Variants in PCDHGA7 observed in about 807,000 individuals in gnomAD.
PCDHGA7 encodes protocadherin gamma-A7.
PCDHGA7 carries 44 observed loss-of-function variants against 58.3 expected under a neutral mutation model. That is an observed-to-expected ratio of 0.75 (90% CI 0.59 to 0.97). The LOEUF (loss-of-function observed/expected upper bound fraction) is 0.97, where lower values mean the gene tolerates loss of function less well. Ranked by LOEUF, PCDHGA7 falls within the 50% of genes least tolerant of loss-of-function variation. The probability of loss-of-function intolerance (pLI) is 0.00; values close to 1 mark genes in which losing one functional copy is unlikely to be tolerated. For missense variants in PCDHGA7, 1,266 were observed against 1,188.7 expected (o/e 1.06, Z -0.96); for synonymous variants, 516 against 504.2 (o/e 1.02, Z -0.31).
chr5:141,421,077 A>G (rs975269359), intron 1 of PCDHGA7: 1 of 619,100 alleles, frequency 1.6e-6, no homozygotes, highest in Non-Finnish European at 2.7e-6. Context: ...TGAGATGGAT[A>G]CTCACAGATC....
At chr5:141,393,197 T>C (rs1470064881) in intron 1 of PCDHGA7, 1 of 1,613,448 alleles carries the variant, frequency 6.2e-7, no homozygotes, top group South Asian at 1.1e-5. Context: ...ATATTAACGA[T>C]AATAACCCAA....
rs762662380 is a variant in PCDHGA7, at chr5:141,419,561, G to A, written c.2424+34238G>A. 9 of 1,611,728 alleles carry A rather than the reference G, an allele frequency of 5.6e-6. No individual in the cohort carries two copies. The Admixed American group carries it at 1.2e-4, about 21-fold the overall frequency. The stretch of plus-strand genomic sequence containing the variant: ...ACCGCGGGTGCTGTACCCTGCGCTG[G>A]GTCCCGACGGCTCCGCGCTCTTCGA... On this transcript the variant is annotated intron_variant, in intron 1 of 3. Coordinates refer to ENST00000518325, the MANE Select transcript of PCDHGA7 (RefSeq NM_018920.4).
intron 1 of PCDHGA7, among the ~76,000 whole-genome samples, chr5:141,456,918 G>A (rs535602842): frequency 6.6e-6 from 1 of 152,006 alleles, no homozygotes; most frequent in African/African-American, 2.4e-5. Context: ...AGCCGAGATC[G>A]CACCACTGCA....
chr5:141,420,980 C>T (rs1463868271), intron 1 of PCDHGA7: 1 of 484,260 alleles, frequency 2.1e-6, no homozygotes, highest in Non-Finnish European at 3.6e-6. Flanking sequence ...AGAATGGGCT[C>T]TAGGCGCCGC....
intron 1 of PCDHGA7, chr5:141,433,078 C>A (rs947684072): frequency 2.5e-5 from 40 of 1,614,144 alleles, no homozygotes; most frequent in Non-Finnish European, 3.3e-5. Context: ...TCCCCCAGCC[C>A]AACTATGCAG....
At position 141,491,023 on chromosome 5, in the gene PCDHGA7, G is replaced by A. The variant is rs773185039; in HGVS notation, c.2425-3784G>A. 17 of 1,613,990 alleles carry A rather than the reference G, an allele frequency of 1.1e-5. No individual in the cohort carries two copies. Among genetic ancestry groups the A allele is most frequent in the Admixed American group, 5.0e-5 (3 of 60,008 alleles). ...CTCCTTGGTCACCAAGGTGACAGCC[G>A]TGGATGCTGATGCAGGCCACAATGC... On this transcript the variant is annotated intron_variant, in intron 1 of 3. Coordinates refer to ENST00000518325, the MANE Select transcript of PCDHGA7 (RefSeq NM_018920.4). The surrounding 1 kb of genome is among the most constrained non-coding windows in gnomAD (Gnocchi z 6.9).
In PCDHGA7 at chr5:141,382,874, G is replaced by T. The variant is rs369372304; in HGVS notation, c.-26G>T. On this transcript the variant is annotated 5_prime_UTR_variant, in exon 1 of 4. Coordinates refer to ENST00000518325, the MANE Select transcript of PCDHGA7 (RefSeq NM_018920.4). ...TTCTGAAGCACTTCCCGAGATCGGC[G>T]CCTAAGCAAGAGAAGCAGGACGACT... 2.9e-4 allele frequency: 441 copies of T among 1,522,954 alleles called. 1 individual carries two copies. The highest frequency in any genetic ancestry group is 3.8e-4 in the Non-Finnish European group (430 of 1,137,240). 94.3% of individuals were successfully genotyped at this position (1,522,954 alleles called of 1,614,324 possible).
At chr5:141,478,118 G>C in intron 1 of PCDHGA7, 2 of 1,614,048 alleles carry the variant, frequency 1.2e-6, no homozygotes, top group African/African-American at 1.3e-5. Context: ...GTCAGTAACC[G>C]AGGACTCTCC....
At chr5:141,450,829 A>ATT (rs373424450) in intron 1 of PCDHGA7, among the ~76,000 whole-genome samples, 8,685 of 135,030 alleles carry the variant, frequency 0.064, 328 homozygotes, top group South Asian at 0.088. Context: ...TATTATTATT[A>ATT]TTTTTTTTTT....
Position 141,384,231 on chromosome 5 carries a change from C to T in PCDHGA7, c.1332C>T (p.Asp444=). 2 of 1,613,928 alleles carry T rather than the reference C, an allele frequency of 1.2e-6. No individual in the cohort carries two copies. Among genetic ancestry groups the T allele is most frequent in the Non-Finnish European group, 1.7e-6 (2 of 1,179,902 alleles). The change falls in exon 1 of 4, where the codon GAC becomes GAT. Residue 444 remains aspartate, a synonymous_variant. Coordinates refer to ENST00000518325, the MANE Select transcript of PCDHGA7 (RefSeq NM_018920.4). ...RETHIFMQVA[D]TNDNPPTFPH... ...CTCACATATTCATGCAGGTGGCAGA[C>T]ACCAACGATAACCCACCCACCTTCC...
intron 1 of PCDHGA7, among the ~76,000 whole-genome samples, chr5:141,472,264 G>A (rs925973401): frequency 1.3e-4 from 20 of 152,068 alleles, no homozygotes; most frequent in African/African-American, 3.6e-4. Context: ...TATTATAGCC[G>A]GGCACAGTGG....
At chr5:141,386,989 G>A (rs1354556956) in intron 1 of PCDHGA7, among the ~76,000 whole-genome samples, 1 of 152,156 alleles carries the variant, frequency 6.6e-6, no homozygotes, top group East Asian at 1.9e-4. Context: ...TTGAGGCTAT[G>A]TATTATCCCC....
chr5:141,393,742 A>T, intron 1 of PCDHGA7: 1 of 1,613,902 alleles, frequency 6.2e-7, no homozygotes, highest in Non-Finnish European at 8.5e-7. Flanking sequence ...CTAGATTATG[A>T]AGAATGTTCA....
At chr5:141,398,009 C>T (rs1589315775) in intron 1 of PCDHGA7, 2 of 1,400,564 alleles carry the variant, frequency 1.4e-6, no homozygotes, top group Non-Finnish European at 1.9e-6. Flanking sequence ...GAAAAAGAAT[C>T]GTTTCCTAAA....
In PCDHGA7 at chr5:141,432,866, G is replaced by C. The variant is rs139832920; in HGVS notation, c.2424+47543G>C. 8 of 1,614,152 alleles carry C rather than the reference G, an allele frequency of 5.0e-6. No individual in the cohort carries two copies. Among genetic ancestry groups the C allele is most frequent in the South Asian group, 2.2e-5 (2 of 91,074 alleles). On this transcript the variant is annotated intron_variant, in intron 1 of 3. Coordinates refer to ENST00000518325, the MANE Select transcript of PCDHGA7 (RefSeq NM_018920.4). The surrounding 1 kb of genome is among the most constrained non-coding windows in gnomAD (Gnocchi z 6.0). ...GGTAGCGGTGGCCGCGGTCTCCTGC[G>C]TCTTCCTGGCCTTCGTCATCTTGCT...
At chr5:141,414,174 A>C in intron 1 of PCDHGA7, 1 of 1,607,520 alleles carries the variant, frequency 6.2e-7, no homozygotes, top group Non-Finnish European at 8.5e-7. Context: ...CATATCTTGC[A>C]ACTGCAAAAG....
At position 141,410,750 on chromosome 5, in the gene PCDHGA7, A is replaced by G. The variant is rs1256862831; in HGVS notation, c.2424+25427A>G. Reference sequence around the variant, plus strand: ...CATAGCTTTTTACAATATTTTCTCAATGTTTTTTCAATTATAGTTTTCACT... The same window carrying G: ...CATAGCTTTTTACAATATTTTCTCAGTGTTTTTTCAATTATAGTTTTCACT... On this transcript the variant is annotated intron_variant, in intron 1 of 3. Coordinates refer to ENST00000518325, the MANE Select transcript of PCDHGA7 (RefSeq NM_018920.4). 23 of 1,243,022 alleles carry G rather than the reference A, an allele frequency of 1.9e-5. No homozygotes were observed. The East Asian group carries it at 4.4e-4, about 24-fold the overall frequency. 77.0% of individuals were successfully genotyped at this position (1,243,022 alleles called of 1,614,324 possible). A position where few individuals can be genotyped will look rare whatever the true frequency, so the allele number is the denominator to read the frequency against.
chr5:141,390,573 C>T, intron 1 of PCDHGA7: 2 of 381,276 alleles, frequency 5.2e-6, no homozygotes, highest in Non-Finnish European at 9.4e-6. Context: ...TGGCTCTCTC[C>T]TAAAAAGTGA....
At chr5:141,451,880 A>G (rs1322052501) in intron 1 of PCDHGA7, among the ~76,000 whole-genome samples, 1 of 152,106 alleles carries the variant, frequency 6.6e-6, no homozygotes, top group East Asian at 1.9e-4. Flanking sequence ...AACCCTGTCA[A>G]GAAAGAAAGG....
Sources: gnomAD v4.1 joint callset for allele counts (sites outside exome capture counted in the v4.1 genomes callset) on GRCh38, gnomAD v4.1.1 for gene constraint, Gnocchi (gnomAD v3.1) non-coding constraint, MANE v1.5 for transcripts, NCBI Gene and HGNC (gene_info 2026-07-23, HGNC 2026-07-21) for gene names.